BIN2: variants seen among roughly 807,000 people sequenced by gnomAD.
BIN2 encodes bridging integrator 2.
Under a neutral mutation model 67.9 loss-of-function variants are expected in BIN2, and 43 were observed. That is an observed-to-expected ratio of 0.63 (90% CI 0.50 to 0.82). The LOEUF is 0.82. Ranked by LOEUF, BIN2 falls within the 40% of genes least tolerant of loss-of-function variation. The pLI is 0.00. For missense variants in BIN2, 581 were observed against 671.6 expected, an observed-to-expected ratio of 0.87 and a Z score of 1.49; for synonymous variants, 244 against 246.8, an observed-to-expected ratio of 0.99 and a Z score of 0.11.
intron 11 of BIN2, among the ~76,000 whole-genome samples, 158 bp from the exon 12 acceptor site, chr12:51,284,945 C>T (rs767279243): frequency 2.6e-5 from 4 of 152,148 alleles, no homozygotes; most frequent in Admixed American, 6.5e-5. Flanking sequence ...CTGAAGGCAT[C>T]GGGAAAGGCT....
chr12:51,284,931 G>T (rs754579070), intron 11 of BIN2, 144 bp from the exon 12 acceptor site: 4 of 608,028 alleles, frequency 6.6e-6, no homozygotes, highest in Non-Finnish European at 1.2e-5. Context: ...TGTTTCACCA[G>T]AGCCTGAAGG....
chr12:51,308,116 C>A (rs778774604), intron 2 of BIN2, among the ~76,000 whole-genome samples: 8 of 152,000 alleles, frequency 5.3e-5, no homozygotes, highest in South Asian at 2.1e-4. Flanking sequence ...TCTGTCCCCC[C>A]CTGGAATATA....
intron 7 of BIN2, among the ~76,000 whole-genome samples, chr12:51,298,668 T>C (rs1945634116): frequency 6.6e-6 from 1 of 152,206 alleles, no homozygotes; most frequent in Admixed American, 6.5e-5. Flanking sequence ...TGTACACTAA[T>C]AAGTGACAAT....
At chr12:51,316,300 G>A (rs1156248402) in intron 1 of BIN2, among the ~76,000 whole-genome samples, 3 of 149,468 alleles carry the variant, frequency 2.0e-5, no homozygotes, top group Non-Finnish European at 4.4e-5. Context: ...CTGGCTAACA[G>A]GGTAAAACCC....
At chr12:51,300,372 G>A (rs4762016) in intron 5 of BIN2, among the ~76,000 whole-genome samples, 28,361 of 151,930 alleles carry the variant, frequency 0.19, 2,790 homozygotes, top group South Asian at 0.23. Flanking sequence ...CAGCCTCCAG[G>A]AGAAATGGCC....
Position 51,297,759 on chromosome 12 carries a change from G to C in BIN2, c.603-595C>G, listed in dbSNP as rs191729987. On this transcript the variant is annotated intron_variant, in intron 7 of 12. Coordinates refer to ENST00000615107, the MANE Select transcript of BIN2 (RefSeq NM_016293.4). ...CTGATTTGGGCTCTTGAAGGGCTGAGGAGACATAAAAGGGCTTTGAATAAT... is the reference window on the plus strand; with the variant it reads ...CTGATTTGGGCTCTTGAAGGGCTGACGAGACATAAAAGGGCTTTGAATAAT... Among the ~76,000 whole-genome samples, 17 of 152,214 alleles carry C rather than the reference G, an allele frequency of 1.1e-4. No individual in the cohort carries two copies. In the East Asian group the frequency reaches 1.7e-3, roughly 16 times the overall value.
chr12:51,317,103 C>T (rs1440435426), intron 1 of BIN2, among the ~76,000 whole-genome samples: 3 of 151,938 alleles, frequency 2.0e-5, no homozygotes, highest in South Asian at 2.1e-4. Context: ...CTCGAATTCC[C>T]GACCTCAGGT....
Position 51,323,969 on chromosome 12 carries a change from C to T in BIN2, c.81+53G>A, listed in dbSNP as rs1483871854. On this transcript the variant is annotated intron_variant, in intron 1 of 12. Transcript: ENST00000615107. The stretch of plus-strand genomic sequence containing the variant: ...GCCCCTCCTGCCCGGCCGGGCTCGG[C>T]CTCGGCCTCGGCTCCCTGTGGGCCA... The T allele has an allele frequency of 1.0e-5, 16 of 1,599,152 alleles. No individual in the cohort carries two copies. In the East Asian group the frequency reaches 3.4e-4, roughly 34 times the overall value.
chr12:51,283,732 C>T (rs567164791), intron 12 of BIN2, among the ~76,000 whole-genome samples: 4 of 152,160 alleles, frequency 2.6e-5, no homozygotes, highest in African/African-American at 9.6e-5. Context: ...TGGTGGCTCC[C>T]GCCTGTAACC....
Position 51,303,083 on chromosome 12 carries a change from C to T in BIN2, c.217+4G>A, listed in dbSNP as rs1945772773. 1.2e-6 allele frequency: 2 copies of T among 1,614,038 alleles called. No homozygotes were observed. Among genetic ancestry groups the T allele is most frequent in the African/African-American group, 1.3e-5 (1 of 75,036 alleles). ...TCTGGATTCTCCCATGCTGCATTGC[C>T]CACCTTTGACTGCACTAAGGAAGTT... On this transcript the variant is annotated splice_donor_region_variant and intron_variant, in intron 3 of 12. Transcript: ENST00000615107.
intron 2 of BIN2, 48 bp downstream of exon 2, chr12:51,313,775 G>A (rs368533921): frequency 5.9e-5 from 89 of 1,509,904 alleles, no homozygotes; most frequent in Middle Eastern, 1.7e-4. Context: ...CTCAGCCCTC[G>A]TGTCTCCTTT....
chr12:51,288,126 G>C lies in BIN2; in HGVS notation c.1578C>G (p.Ile526Met). The C allele has an allele frequency of 6.2e-7, 1 of 1,613,706 alleles. No individual in the cohort carries two copies. Among genetic ancestry groups the C allele is most frequent in the Non-Finnish European group, 8.5e-7 (1 of 1,179,600 alleles). ...MEDKEKDNKL[I>M]SANSSEGQDQ... ...TTAGTACCTCCGAGGAGTTAGCTGAGATAAGCTTATTATCCTTTTCCTTGT... is the reference window on the plus strand; with the variant it reads ...TTAGTACCTCCGAGGAGTTAGCTGACATAAGCTTATTATCCTTTTCCTTGT... Residue 526 changes from isoleucine to methionine, a missense_variant, in exon 11 of 13, where the codon ATC becomes ATG. Ile to Met is a conservative substitution (Grantham distance 10, BLOSUM62 1). Coordinates refer to ENST00000615107, the MANE Select transcript of BIN2 (RefSeq NM_016293.4).
At chr12:51,324,452 C>A (rs1055168468), upstream of BIN2, 4 of 1,504,462 alleles carry the variant, frequency 2.7e-6, no homozygotes, top group Admixed American at 6.4e-5. Context: ...CTGAGCACTG[C>A]AAAGCAACTG....
chr12:51,291,575 C>A lies in BIN2; in HGVS notation c.1515+16G>T. 6.4e-7 allele frequency: 1 copy of A among 1,562,860 alleles called. No individual in the cohort carries two copies. The highest frequency in any genetic ancestry group is 2.1e-5 in the Admixed American group (1 of 47,692). On this transcript the variant is annotated intron_variant, in intron 10 of 12. Transcript: ENST00000615107. ...TAAATTAATTAAATTAAATACCCAA[C>A]CAGAACTACTCTTACCTGAGATGTC...
intron 2 of BIN2, chr12:51,304,402 G>A (rs776616062): frequency 6.6e-6 from 1 of 152,204 alleles, no homozygotes; most frequent in East Asian, 1.9e-4. Flanking sequence ...GTTCCTTATG[G>A]TGTTTAGGCC....
chr12:51,291,964 G>A lies in BIN2; in HGVS notation c.1142C>T (p.Ser381Leu). The A allele has an allele frequency of 6.2e-7, 1 of 1,614,218 alleles. No homozygotes were observed. The highest frequency in any genetic ancestry group is 8.5e-7 in the Non-Finnish European group (1 of 1,180,040). ...GAGGACTACTTCTGTGGCAGATGAT[G>A]AAGGCTGCCCTGAAGGGCTCAGGGC... is the stretch of plus-strand genomic sequence containing the variant. ...GGALSPSGQP[S>L]SSATEVVLRT... The change falls in exon 10 of 13, where the codon TCA (serine) becomes TTA (leucine). Residue 381 changes from serine (S) to leucine (L), a missense_variant. Physicochemically the swap from Ser to Leu is moderately radical, Grantham distance 145. Coordinates refer to ENST00000615107, the MANE Select transcript of BIN2 (RefSeq NM_016293.4).
chr12:51,297,031 ACCTT>A (rs1483732625), intron 8 of BIN2, 54 bp downstream of exon 8: 1 of 1,451,408 alleles, frequency 6.9e-7, no homozygotes, highest in East Asian at 2.3e-5. Flanking sequence ...AGTCAAGGCT[ACCTT>A]CATATTTACT....
upstream of BIN2, chr12:51,324,256 T>C: frequency 7.0e-7 from 1 of 1,427,878 alleles, no homozygotes; most frequent in Non-Finnish European, 9.1e-7. Flanking sequence ...GGCCCGCCCC[T>C]CAGCCCACCA....
At chr12:51,319,278 G>A (rs989458269) in intron 1 of BIN2, among the ~76,000 whole-genome samples, 2 of 152,150 alleles carry the variant, frequency 1.3e-5, no homozygotes, top group African/African-American at 4.8e-5. Flanking sequence ...GGGGGTTGGG[G>A]GGTACTGAGA....
Sources: allele counts gnomAD v4.1 joint callset (sites outside exome capture counted in the v4.1 genomes callset), GRCh38; gene constraint gnomAD v4.1.1; transcripts MANE v1.5; gene names NCBI Gene and HGNC (gene_info 2026-07-23, HGNC 2026-07-21).